The following UBE2E2 variants were observed in gnomAD, a reference collection of about 807,000 sequenced individuals.
UBE2E2 encodes ubiquitin-conjugating enzyme E2 E2.
UBE2E2 carries 6 observed loss-of-function variants against 24.7 expected under a neutral mutation model. That is an observed-to-expected ratio of 0.24 (90% CI 0.13 to 0.48). The LOEUF is 0.48. UBE2E2 is among the 20% of genes least tolerant of loss of function. The pLI is 0.99. For synonymous variants in UBE2E2, 104 were observed against 83.6 expected (o/e 1.24, Z -1.33); for missense variants, 169 against 245.0 (o/e 0.69, Z 2.07).
chr3:23,216,281 C>G (rs1383962926), intron 2 of UBE2E2, among the ~76,000 whole-genome samples: 3 of 152,024 alleles, frequency 2.0e-5, no homozygotes, highest in Non-Finnish European at 1.5e-5. Context: ...TTGGAGGGAT[C>G]CCATTTATTC....
intron 3 of UBE2E2, among the ~76,000 whole-genome samples, chr3:23,331,225 G>A (rs142742142): frequency 1.3e-5 from 2 of 152,132 alleles, no homozygotes; most frequent in African/African-American, 2.4e-5. Context: ...ACAAAGCAGA[G>A]TAGAAACAGC....
chr3:23,213,942 C>G (rs947069417), intron 2 of UBE2E2, among the ~76,000 whole-genome samples: 5 of 152,078 alleles, frequency 3.3e-5, no homozygotes, highest in Non-Finnish European at 7.4e-5. Flanking sequence ...CCTTTCTTAT[C>G]CCACTTGTCA....
chr3:23,483,154 G>C (rs533287387), intron 3 of UBE2E2, among the ~76,000 whole-genome samples: 1 of 152,166 alleles, frequency 6.6e-6, no homozygotes, highest in Non-Finnish European at 1.5e-5. Context: ...TCCACACTAA[G>C]CCTTGCTGTC....
chr3:23,414,072 G>T (rs1697563232), intron 3 of UBE2E2, among the ~76,000 whole-genome samples: 1 of 152,060 alleles, frequency 6.6e-6, no homozygotes, highest in Non-Finnish European at 1.5e-5. Context: ...GTCTTGAAAG[G>T]GAATAAACAG....
At chr3:23,296,075 T>G (rs1211932424) in intron 3 of UBE2E2, among the ~76,000 whole-genome samples, 1 of 152,170 alleles carries the variant, frequency 6.6e-6, no homozygotes, top group Non-Finnish European at 1.5e-5. Flanking sequence ...TAGTTCCCTT[T>G]CAGTAAGTTT....
chr3:23,272,690 G>T (rs1698277291), intron 3 of UBE2E2, among the ~76,000 whole-genome samples: 1 of 152,164 alleles, frequency 6.6e-6, no homozygotes, highest in African/African-American at 2.4e-5. Context: ...GAGAGAGAGA[G>T]ATTGAGTGTA....
intron 3 of UBE2E2, among the ~76,000 whole-genome samples, chr3:23,231,052 G>C (rs191052121): frequency 2.1e-3 from 313 of 152,268 alleles, no homozygotes; most frequent in African/African-American, 7.1e-3. Flanking sequence ...TACCTTTAGA[G>C]GAACTGAAAA....
intron 3 of UBE2E2, among the ~76,000 whole-genome samples, chr3:23,400,620 A>G (rs1575606228): frequency 6.6e-6 from 1 of 151,034 alleles, no homozygotes; most frequent in South Asian, 2.1e-4. Context: ...ACACACACAC[A>G]CACACACACA....
At chr3:23,301,269 C>T (rs1699079464) in intron 3 of UBE2E2, among the ~76,000 whole-genome samples, 1 of 152,260 alleles carries the variant, frequency 6.6e-6, no homozygotes, top group Admixed American at 6.5e-5. Flanking sequence ...TGTCTGAAGC[C>T]TTCTTCTCTC....
intron 3 of UBE2E2, among the ~76,000 whole-genome samples, chr3:23,296,363 G>A (rs943594139): frequency 1.3e-5 from 2 of 151,688 alleles, no homozygotes; most frequent in Admixed American, 6.6e-5. Context: ...TGTGCACGAC[G>A]TGCAGGTTTG....
At chr3:23,524,484 C>G (rs1694946165) in intron 4 of UBE2E2, among the ~76,000 whole-genome samples, 1 of 152,148 alleles carries the variant, frequency 6.6e-6, no homozygotes, top group Non-Finnish European at 1.5e-5. Context: ...CCTCATTTTA[C>G]AGATGAAGAA....
At chr3:23,426,946 AAGT>A (rs1697941046) in intron 3 of UBE2E2, among the ~76,000 whole-genome samples, 1 of 152,164 alleles carries the variant, frequency 6.6e-6, no homozygotes, top group Non-Finnish European at 1.5e-5. Flanking sequence ...ACTTATCTAA[AAGT>A]AGAAAGAAAT....
In UBE2E2 at chr3:23,452,345, T is replaced by G. The variant is rs984038387; in HGVS notation, c.228-47263T>G. On this transcript the variant is annotated intron_variant, in intron 3 of 5. Transcript: ENST00000396703. ...ACAGGTGCAATTTTTATACAGAATC[T>G]TTTTTTTTTCTGTTAGTGAGTAGAC... Among the ~76,000 whole-genome samples, 3 of 149,964 alleles carry G rather than the reference T, an allele frequency of 2.0e-5. No homozygotes were observed. The South Asian group carries it at 6.4e-4, about 32-fold the overall frequency.
chr3:23,233,806 A>G (rs1383421630), intron 3 of UBE2E2, among the ~76,000 whole-genome samples: 1 of 152,206 alleles, frequency 6.6e-6, no homozygotes, highest in Non-Finnish European at 1.5e-5. Flanking sequence ...TATGTAGTAT[A>G]AGGTGAAAAT....
At chr3:23,291,310 C>A (rs571854820) in intron 3 of UBE2E2, among the ~76,000 whole-genome samples, 1 of 152,014 alleles carries the variant, frequency 6.6e-6, no homozygotes, top group African/African-American at 2.4e-5. Context: ...AACATCTGGG[C>A]ACAAAGATTT....
At chr3:23,261,027 C>T (rs1697888215) in intron 3 of UBE2E2, among the ~76,000 whole-genome samples, 1 of 152,042 alleles carries the variant, frequency 6.6e-6, no homozygotes. Flanking sequence ...CTCTTGAGCC[C>T]AGGAGGCCAA....
intron 3 of UBE2E2, among the ~76,000 whole-genome samples, chr3:23,302,286 A>T (rs969807311): frequency 2.0e-5 from 3 of 152,222 alleles, no homozygotes; most frequent in African/African-American, 7.2e-5. Flanking sequence ...TTCAGAGACT[A>T]TATAATATTT....
At chr3:23,384,059 A>G (rs534374947) in intron 3 of UBE2E2, among the ~76,000 whole-genome samples, 6 of 152,250 alleles carry the variant, frequency 3.9e-5, no homozygotes, top group East Asian at 3.9e-4. Context: ...ACAGTGATGC[A>G]ACCATAGCTC....
chr3:23,311,499 T>C (rs1328142051), intron 3 of UBE2E2, among the ~76,000 whole-genome samples: 1 of 152,086 alleles, frequency 6.6e-6, no homozygotes, highest in Non-Finnish European at 1.5e-5. Context: ...CTACTGTAGA[T>C]GGTTAATAAA....
Sources: gnomAD v4.1 joint callset for allele counts (sites outside exome capture counted in the v4.1 genomes callset) on GRCh38, gnomAD v4.1.1 for gene constraint, MANE v1.5 for transcripts, NCBI Gene and HGNC (gene_info 2026-07-23, HGNC 2026-07-21) for gene names.